The following GCNT1 variants were observed in gnomAD, a reference collection of about 807,000 sequenced individuals.
GCNT1 encodes the protein beta-1,3-galactosyl-O-glycosyl-glycoprotein beta-1,6-N-acetylglucosaminyltransferase.
Under a neutral mutation model 26.2 loss-of-function variants are expected in GCNT1, and 16 were observed. That is an observed-to-expected ratio of 0.61 (90% CI 0.41 to 0.93). GCNT1 has a LOEUF of 0.93. Among genes scored for constraint, GCNT1 ranks in the 40% least tolerant of loss-of-function variants. The probability of loss-of-function intolerance (pLI) is 0.00; values close to 1 mark genes in which losing one functional copy is unlikely to be tolerated. For synonymous variants in GCNT1, 183 were observed against 190.8 expected, an observed-to-expected ratio of 0.96 and a Z score of 0.34; for missense variants, 477 against 526.7, an observed-to-expected ratio of 0.91 and a Z score of 0.92.
the GCNT1 span, chr9:76,394,530 C>G: frequency 2.5e-3 from 470 of 188,210 alleles, 8 homozygotes; most frequent in Non-Finnish European, 3.1e-3. Context: ...CTCGAGCCCG[C>G]TCGGCTTCCG....
intron 1 of GCNT1, among the ~76,000 whole-genome samples, chr9:76,432,966 C>T (rs1398570358): frequency 6.6e-6 from 1 of 152,112 alleles, no homozygotes; most frequent in Non-Finnish European, 1.5e-5. Flanking sequence ...AGCATGCACT[C>T]CTGCCTTCTG....
chr9:76,503,595 A>G lies in GCNT1; in HGVS notation c.1214A>G (p.Asp405Gly), dbSNP rs1224974051. ...HHLFANKFDVDVDLFAIQCLD... is the reference protein window; with the variant it reads ...HHLFANKFDVGVDLFAIQCLD... Reference sequence around the variant, plus strand: ...TTGTTTGCCAATAAGTTTGACGTGGATGTTGACCTCTTTGCCATCCAGTGT... The same window carrying G: ...TTGTTTGCCAATAAGTTTGACGTGGGTGTTGACCTCTTTGCCATCCAGTGT... The change falls in exon 4 of 4, where the codon GAT (aspartate) becomes GGT (glycine). Residue 405 changes from aspartate to glycine, a missense_variant. Transcript: ENST00000376730. 6.2e-7 allele frequency: 1 copy of G among 1,614,084 alleles called. No individual in the cohort carries two copies. Among genetic ancestry groups the G allele is most frequent in the Non-Finnish European group, 8.5e-7 (1 of 1,180,034 alleles).
intron 1 of GCNT1, among the ~76,000 whole-genome samples, chr9:76,426,761 G>A (rs1450313220): frequency 6.6e-6 from 1 of 152,042 alleles, no homozygotes; most frequent in Admixed American, 6.6e-5. Context: ...GCCAGGCATG[G>A]TGGTGGGCAC....
chr9:76,393,908 G>T, the GCNT1 span: 1 of 594,260 alleles, frequency 1.7e-6, no homozygotes, highest in Non-Finnish European at 2.9e-6. Flanking sequence ...CAGAAGCAGG[G>T]ACAAGCTCCC....
chr9:76,497,046 T>C (rs1824925860), intron 2 of GCNT1, among the ~76,000 whole-genome samples: 1 of 152,196 alleles, frequency 6.6e-6, no homozygotes, highest in Admixed American at 6.5e-5. Flanking sequence ...TGAGCTTTTG[T>C]CATTTAGAAT....
At chr9:76,467,995 C>G (rs1824044007) in intron 2 of GCNT1, among the ~76,000 whole-genome samples, 2 of 149,138 alleles carry the variant, frequency 1.3e-5, no homozygotes, top group Non-Finnish European at 3.0e-5. Flanking sequence ...TAACCTCCAC[C>G]TCCCAGGTTC....
chr9:76,485,385 C>G (rs541571176), intron 2 of GCNT1, among the ~76,000 whole-genome samples: 1 of 151,780 alleles, frequency 6.6e-6, no homozygotes, highest in Non-Finnish European at 1.5e-5. Flanking sequence ...AGTTGGCCAG[C>G]CTGGTCTTGA....
intron 1 of GCNT1, among the ~76,000 whole-genome samples, chr9:76,432,693 C>T (rs1823353292): frequency 6.6e-6 from 1 of 152,124 alleles, no homozygotes; most frequent in Admixed American, 6.5e-5. Context: ...AGTCAAATGA[C>T]TAGGCAGATG....
At position 76,506,738 on chromosome 9, in the gene GCNT1, T is replaced by G. The variant is rs936603272; in HGVS notation, c.*3070T>G. On this transcript the variant is annotated 3_prime_UTR_variant, in exon 4 of 4. Coordinates refer to ENST00000376730, the MANE Select transcript of GCNT1 (RefSeq NM_001490.5). The stretch of plus-strand genomic sequence containing the variant: ...GCCACTCAGCCTTGAAAATGGAGTG[T>G]TGTTGTTTCTAAACATATATTTATG... The G allele has an allele frequency of 5.4e-5, 9 of 167,046 alleles. No individual in the cohort carries two copies. The highest frequency in any genetic ancestry group is 3.3e-4 in the Admixed American group (5 of 15,278). The allele number at this position is 167,046 out of a possible 1,614,324, so 10.3% of individuals were successfully genotyped here.
rs768485700 is a variant in GCNT1, at chr9:76,503,455, C to T, written c.1074C>T (p.Tyr358=). 1.2e-6 allele frequency: 2 copies of T among 1,614,082 alleles called. No individual in the cohort carries two copies. Among genetic ancestry groups the T allele is most frequent in the Admixed American group, 1.7e-5 (1 of 60,008 alleles). Residue 358 remains tyrosine (Y), a synonymous_variant, in exon 4 of 4, where the codon TAC becomes TAT. Coordinates refer to ENST00000376730, the MANE Select transcript of GCNT1 (RefSeq NM_001490.5). The part of the protein sequence containing the change: ...QAVARFVKWQ[Y]FEGDVSKGAP... ...TTGCCAGGTTTGTCAAGTGGCAGTACTTTGAGGGTGATGTTTCCAAGGGTG... is the reference window on the plus strand; with the variant it reads ...TTGCCAGGTTTGTCAAGTGGCAGTATTTTGAGGGTGATGTTTCCAAGGGTG...
chr9:76,397,099 T>C, the GCNT1 span, among the ~76,000 whole-genome samples: 2 of 152,132 alleles, frequency 1.3e-5, no homozygotes, highest in South Asian at 4.1e-4. Flanking sequence ...CTGGACAACA[T>C]GGCAAAACTC....
chr9:76,475,271 T>G (rs1824226488), intron 2 of GCNT1, among the ~76,000 whole-genome samples: 1 of 152,190 alleles, frequency 6.6e-6, no homozygotes, highest in South Asian at 2.1e-4. Flanking sequence ...TATGAAGCTG[T>G]TTAAAGGGCA....
the GCNT1 span, chr9:76,394,059 G>A: frequency 5.8e-6 from 9 of 1,563,258 alleles, no homozygotes; most frequent in African/African-American, 5.4e-5. Flanking sequence ...ACGTGACCCG[G>A]CCCGGGGGAC....
chr9:76,442,517 C>T (rs900761647), intron 1 of GCNT1, among the ~76,000 whole-genome samples: 2 of 151,914 alleles, frequency 1.3e-5, no homozygotes, highest in Non-Finnish European at 1.5e-5. Flanking sequence ...CCTGTCTCTA[C>T]TAAAAATACA....
chr9:76,459,711 G>A (rs989080005), intron 1 of GCNT1, among the ~76,000 whole-genome samples: 2 of 152,134 alleles, frequency 1.3e-5, no homozygotes, highest in African/African-American at 4.8e-5. Flanking sequence ...CGCCAGCCCG[G>A]CTAAGATGCA....
chr9:76,462,536 GTTAAATGACCCCAAATGTCTC>G (rs1178921366), intron 2 of GCNT1, among the ~76,000 whole-genome samples: 3 of 152,188 alleles, frequency 2.0e-5, no homozygotes, highest in Non-Finnish European at 4.4e-5. Flanking sequence ...CCTCCCTGCA[GTTAAATGACCCCAAATGTCTC>G]CAGACATAGG....
chr9:76,502,840 T>C lies in GCNT1; in HGVS notation c.459T>C (p.His153=). The part of the protein sequence containing the change: ...IYMPQNFYCI[H]VDTKSEDSYL... ...TGCCTCAGAATTTCTATTGCATTCA[T>C]GTGGACACAAAATCCGAGGATTCCT... Residue 153 remains histidine (H), a synonymous_variant, in exon 4 of 4, where the codon CAT becomes CAC. Transcript: ENST00000376730. 6.2e-7 allele frequency: 1 copy of C among 1,614,130 alleles called. No homozygotes were observed. The highest frequency in any genetic ancestry group is 1.1e-5 in the South Asian group (1 of 91,088).
At chr9:76,432,883 G>T (rs1823356208) in intron 1 of GCNT1, among the ~76,000 whole-genome samples, 1 of 151,862 alleles carries the variant, frequency 6.6e-6, no homozygotes, top group Non-Finnish European at 1.5e-5. Flanking sequence ...TTTCCTAATT[G>T]TTTTTTTACA....
rs371243649 is a variant in GCNT1, at chr9:76,484,289, A to T, written c.-289-16627A>T. On this transcript the variant is annotated intron_variant, in intron 2 of 3. Coordinates refer to ENST00000376730, the MANE Select transcript of GCNT1 (RefSeq NM_001490.5). ...CTACTTGAGAGGCTAAGGTGGAAGG[A>T]TCCCCAGGAGTTTGAGCCTGCAGTG... Among the ~76,000 whole-genome samples the T allele has an allele frequency of 3.3e-5, 5 of 151,934 alleles. No homozygotes were observed. In the South Asian group the frequency reaches 8.3e-4, roughly 25 times the overall value.
Sources: gnomAD v4.1 joint callset for allele counts (sites outside exome capture counted in the v4.1 genomes callset) on GRCh38, gnomAD v4.1.1 for gene constraint, MANE v1.5 for transcripts, NCBI Gene and HGNC (gene_info 2026-07-23, HGNC 2026-07-21) for gene names.